The following TSHZ2 variants were observed in gnomAD, a reference collection of about 807,000 sequenced individuals.
TSHZ2 encodes teashirt homolog 2.
Under a neutral mutation model 74.4 loss-of-function variants are expected in TSHZ2, and 21 were observed. The ratio of observed to expected loss-of-function variants is 0.28; its 90% CI spans 0.20 to 0.41. The LOEUF is 0.41. Among genes scored for constraint, TSHZ2 ranks in the 10% least tolerant of loss-of-function variants. The pLI, the probability that TSHZ2 is intolerant of heterozygous loss-of-function variation, is 1.00. For synonymous variants in TSHZ2, 540 were observed against 515.3 expected, an observed-to-expected ratio of 1.05 and a Z score of -0.65; for missense variants, 1,244 against 1,293.5, an observed-to-expected ratio of 0.96 and a Z score of 0.59.
At chr20:53,087,498 T>C (rs532116899) in intron 1 of TSHZ2, among the ~76,000 whole-genome samples, 24 of 152,326 alleles carry the variant, frequency 1.6e-4, no homozygotes, top group Non-Finnish European at 2.9e-4. Context: ...AGTCTTCACT[T>C]TTGAAAGACC....
intron 1 of TSHZ2, among the ~76,000 whole-genome samples, chr20:53,253,162 A>G (rs1009018794): frequency 1.3e-5 from 2 of 152,140 alleles, no homozygotes; most frequent in Non-Finnish European, 2.9e-5. Context: ...TATGAATTTC[A>G]ATCCAGATTT....
At chr20:53,105,402 C>T (rs1421137460) in intron 1 of TSHZ2, among the ~76,000 whole-genome samples, 1 of 152,122 alleles carries the variant, frequency 6.6e-6, no homozygotes. Flanking sequence ...TGGTAGCAGC[C>T]CCTTTAATAG....
At chr20:53,330,647 T>C (rs573505771) in intron 2 of TSHZ2, among the ~76,000 whole-genome samples, 14 of 152,300 alleles carry the variant, frequency 9.2e-5, no homozygotes, top group African/African-American at 3.4e-4. Flanking sequence ...CTCTCTACTT[T>C]CCTTCTTCTG....
chr20:53,480,267 C>A (rs1433248502), intron 2 of TSHZ2, among the ~76,000 whole-genome samples: 1 of 151,844 alleles, frequency 6.6e-6, no homozygotes, highest in Non-Finnish European at 1.5e-5. Flanking sequence ...CTGGGTTTCT[C>A]CATGTTGGCC....
chr20:53,343,182 G>A (rs1428576738), intron 2 of TSHZ2, among the ~76,000 whole-genome samples: 1 of 151,736 alleles, frequency 6.6e-6, no homozygotes, highest in African/African-American at 2.4e-5. Flanking sequence ...GGCCAGGTTG[G>A]TCTTGAACTC....
At chr20:53,095,806 G>A (rs1053719558) in intron 1 of TSHZ2, among the ~76,000 whole-genome samples, 3 of 152,062 alleles carry the variant, frequency 2.0e-5, no homozygotes, top group African/African-American at 7.2e-5. Flanking sequence ...TCCTCTGGGA[G>A]CCAAAACGGC....
intron 1 of TSHZ2, among the ~76,000 whole-genome samples, chr20:53,080,626 A>C (rs552341879): frequency 2.0e-5 from 3 of 152,270 alleles, no homozygotes; most frequent in African/African-American, 7.2e-5. Flanking sequence ...TCCCTCGCAT[A>C]CACAGTTCAC....
At chr20:53,316,196 C>T (rs538334028) in intron 2 of TSHZ2, among the ~76,000 whole-genome samples, 1 of 152,270 alleles carries the variant, frequency 6.6e-6, no homozygotes, top group African/African-American at 2.4e-5. Context: ...CCTCAGTCAT[C>T]CCCACTCACA....
At chr20:53,392,256 C>T (rs1421101644) in intron 2 of TSHZ2, among the ~76,000 whole-genome samples, 1 of 152,066 alleles carries the variant, frequency 6.6e-6, no homozygotes, top group Non-Finnish European at 1.5e-5. Flanking sequence ...ACCAGCCTGA[C>T]CAACATGGTG....
chr20:53,243,507 G>A (rs981677326), intron 1 of TSHZ2, among the ~76,000 whole-genome samples: 3 of 152,128 alleles, frequency 2.0e-5, no homozygotes, highest in Admixed American at 6.5e-5. Context: ...CTAAGTGTGA[G>A]GAATGGAAAT....
chr20:53,292,821 C>A (rs141259711), intron 2 of TSHZ2, among the ~76,000 whole-genome samples: 71 of 152,324 alleles, frequency 4.7e-4, no homozygotes, highest in African/African-American at 1.6e-3. Context: ...GCCCTGTTAT[C>A]ATTTTCCAAT....
intron 1 of TSHZ2, among the ~76,000 whole-genome samples, chr20:53,025,726 T>A (rs1304981112): frequency 6.6e-6 from 1 of 152,252 alleles, no homozygotes; most frequent in Non-Finnish European, 1.5e-5. Flanking sequence ...ATTTCTTATA[T>A]GATCTTCCTG....
intron 1 of TSHZ2, among the ~76,000 whole-genome samples, chr20:53,067,161 G>A (rs796634559): frequency 3.5e-4 from 53 of 152,254 alleles, no homozygotes; most frequent in African/African-American, 1.2e-3. Flanking sequence ...GGTGATAGGG[G>A]ACCAGTGATT....
Position 53,161,130 on chromosome 20 carries a change from C to CAAAAAAAAAAAAA in TSHZ2, c.41-92358_41-92346dup, listed in dbSNP as rs368626161. On this transcript the variant is annotated intron_variant, in intron 1 of 2. Transcript: ENST00000371497. The stretch of plus-strand genomic sequence containing the variant: ...AGAAACCAACTCTGGTTATTTTCAG[C>CAAAAAAAAAAAAA]AAAAAAAAAAAAAAAAAAAAAAATA... Among the ~76,000 whole-genome samples, 254 of 67,936 alleles carry CAAAAAAAAAAAAA rather than the reference C, an allele frequency of 3.7e-3. 36 individuals are homozygous for CAAAAAAAAAAAAA. Among genetic ancestry groups the CAAAAAAAAAAAAA allele is most frequent in the African/African-American group, 7.0e-3 (115 of 16,446 alleles). 44.6% of individuals were successfully genotyped at this position (67,936 alleles called of 152,430 possible). A position where few individuals can be genotyped will look rare whatever the true frequency, so the allele number is the denominator to read the frequency against.
At chr20:53,072,180 A>G (rs954084421) in intron 1 of TSHZ2, among the ~76,000 whole-genome samples, 5 of 152,214 alleles carry the variant, frequency 3.3e-5, no homozygotes, top group East Asian at 1.9e-4. Context: ...ACAGAAAAGC[A>G]TCGGGGATGC....
intron 2 of TSHZ2, among the ~76,000 whole-genome samples, chr20:53,272,261 C>T (rs11086418): frequency 0.069 from 10,423 of 152,102 alleles, 394 homozygotes; most frequent in East Asian, 0.11. Context: ...CTGCCTGCCT[C>T]GGCCTCCCAA....
At chr20:53,122,473 T>C (rs1234204646) in intron 1 of TSHZ2, among the ~76,000 whole-genome samples, 2 of 152,156 alleles carry the variant, frequency 1.3e-5, no homozygotes, top group African/African-American at 4.8e-5. Context: ...TTAATTTCTA[T>C]TTCTATCAGG....
At chr20:53,168,379 G>C (rs1027085367) in intron 1 of TSHZ2, among the ~76,000 whole-genome samples, 3 of 152,154 alleles carry the variant, frequency 2.0e-5, no homozygotes, top group Non-Finnish European at 4.4e-5. Context: ...TATTCACATA[G>C]TCTAGTTTAT....
At chr20:53,200,359 C>T (rs6126780) in intron 1 of TSHZ2, among the ~76,000 whole-genome samples, 8,414 of 152,214 alleles carry the variant, frequency 0.055, 531 homozygotes, top group East Asian at 0.31. Flanking sequence ...AACCAGGAAA[C>T]ACCAAGGATG....
Sources: allele counts gnomAD v4.1 joint callset (sites outside exome capture counted in the v4.1 genomes callset), GRCh38; gene constraint gnomAD v4.1.1; transcripts MANE v1.5; gene names NCBI Gene and HGNC (gene_info 2026-07-23, HGNC 2026-07-21).